Variants in PDE4B observed in about 807,000 individuals in gnomAD.
The protein encoded by PDE4B is phosphodiesterase 4B.
Under a neutral mutation model 82.2 loss-of-function variants are expected in PDE4B, and 20 were observed. The ratio of observed to expected loss-of-function variants is 0.24; its 90% CI spans 0.17 to 0.35. PDE4B has a LOEUF of 0.35. PDE4B is among the 10% of genes least tolerant of loss of function. The pLI is 1.00. For synonymous variants in PDE4B, 320 were observed against 318.9 expected, an observed-to-expected ratio of 1.00 and a Z score of -0.04; for missense variants, 655 against 907.2, an observed-to-expected ratio of 0.72 and a Z score of 3.57.
intron 3 of PDE4B, among the ~76,000 whole-genome samples, chr1:66,027,657 A>C (rs539337156): frequency 6.6e-6 from 1 of 152,216 alleles, no homozygotes. Context: ...TCCTAGATAC[A>C]ATGGAGGTAC....
Position 66,346,242 on chromosome 1 carries a change from T to C in PDE4B, c.748-9285T>C, listed in dbSNP as rs542330040. 2.0e-5 allele frequency among the ~76,000 whole-genome samples: 3 copies of C among 152,358 alleles called. No individual in the cohort carries two copies. The South Asian group carries it at 6.2e-4, about 32-fold the overall frequency. On this transcript the variant is annotated intron_variant, in intron 8 of 16. Coordinates refer to ENST00000341517, the MANE Select transcript of PDE4B (RefSeq NM_002600.4). ...GCCACATATTCAATTAATTCATATG[T>C]GTTACCACATTGATCTTAACTGTGA...
At chr1:66,179,946 A>G (rs1408732701) in intron 3 of PDE4B, among the ~76,000 whole-genome samples, 2 of 152,236 alleles carry the variant, frequency 1.3e-5, no homozygotes, top group East Asian at 1.9e-4. Context: ...GAGTCCCCCT[A>G]AAGATCCATC....
At chr1:65,907,748 A>G (rs1325765729) in intron 1 of PDE4B, among the ~76,000 whole-genome samples, 1 of 152,204 alleles carries the variant, frequency 6.6e-6, no homozygotes, top group Non-Finnish European at 1.5e-5. Flanking sequence ...CTCAGTTCAG[A>G]ACATTAAGAA....
intron 1 of PDE4B, among the ~76,000 whole-genome samples, chr1:65,912,656 G>T (rs1293011545): frequency 6.6e-6 from 1 of 152,200 alleles, no homozygotes; most frequent in Non-Finnish European, 1.5e-5. Context: ...ACTAGTTTAT[G>T]CAATAGACAT....
intron 3 of PDE4B, among the ~76,000 whole-genome samples, chr1:66,088,972 C>T (rs186962640): frequency 3.4e-4 from 52 of 152,150 alleles, no homozygotes; most frequent in Admixed American, 3.4e-3. Flanking sequence ...CAGAGTTCTC[C>T]ATATGACCCA....
chr1:66,183,868 T>C (rs565409725), intron 3 of PDE4B, among the ~76,000 whole-genome samples: 42 of 152,290 alleles, frequency 2.8e-4, no homozygotes, highest in African/African-American at 9.1e-4. Flanking sequence ...CAGAATAACA[T>C]AGGTGCATAA....
upstream of PDE4B, among the ~76,000 whole-genome samples, chr1:65,792,856 G>A (rs1482706998): frequency 6.6e-6 from 1 of 152,060 alleles, no homozygotes; most frequent in South Asian, 2.1e-4. Flanking sequence ...TCTTCCGGGG[G>A]GCGGGGGTGG....
At position 66,368,645 on chromosome 1, in the gene PDE4B, T is replaced by A. The variant is rs1485841537; in HGVS notation, c.1663-142T>A. 9.7e-6 allele frequency: 5 copies of A among 517,512 alleles called. No individual in the cohort carries two copies. The African/African-American group carries it at 9.8e-5, about 10-fold the overall frequency. The allele number at this position is 517,512 out of a possible 1,614,324, so 32.1% of individuals were successfully genotyped here. ...GGCTAGCATCATTGTAATTCCATTT[T>A]TTTTCGGTGCATATGTCATAATTAT... On this transcript the variant is annotated intron_variant, in intron 15 of 16. Transcript: ENST00000341517.
At chr1:65,945,113 G>T (rs1648642058) in intron 3 of PDE4B, among the ~76,000 whole-genome samples, 1 of 151,950 alleles carries the variant, frequency 6.6e-6, no homozygotes, top group African/African-American at 2.4e-5. Flanking sequence ...TCTCCTATTT[G>T]GACTGTAGAA....
rs1647151854 is a variant in PDE4B, at chr1:66,184,955, C to A, written c.282-62505C>A. 2.0e-5 allele frequency among the ~76,000 whole-genome samples: 3 copies of A among 152,116 alleles called. No homozygotes were observed. In the South Asian group the frequency reaches 6.2e-4, roughly 32 times the overall value. On this transcript the variant is annotated intron_variant, in intron 3 of 16. Transcript: ENST00000341517. ...CTGCACCCATTAACTCGTCATTTAA[C>A]ATTAGGTATATCTCCTAATGCTATC...
At chr1:65,802,297 T>C (rs921301653) in intron 1 of PDE4B, among the ~76,000 whole-genome samples, 3 of 152,166 alleles carry the variant, frequency 2.0e-5, no homozygotes, top group African/African-American at 7.2e-5. Context: ...GTTGAAAGTG[T>C]CACCAGTTTT....
intron 3 of PDE4B, among the ~76,000 whole-genome samples, chr1:66,246,485 G>T (rs984128872): frequency 2.0e-5 from 3 of 152,166 alleles, no homozygotes; most frequent in Non-Finnish European, 4.4e-5. Flanking sequence ...TTTAGCTGGG[G>T]AGCAGTGAGA....
chr1:66,201,430 C>T (rs1175505409), intron 3 of PDE4B, among the ~76,000 whole-genome samples: 4 of 152,026 alleles, frequency 2.6e-5, no homozygotes, highest in African/African-American at 9.7e-5. Flanking sequence ...GGTGCCAGTT[C>T]CTCCTTGTAC....
intron 3 of PDE4B, among the ~76,000 whole-genome samples, chr1:66,224,987 TC>T (rs1651318820): frequency 6.6e-6 from 1 of 152,224 alleles, no homozygotes; most frequent in African/African-American, 2.4e-5. Flanking sequence ...ACCAATGTGT[TC>T]TGCCTTTTCT....
intron 3 of PDE4B, among the ~76,000 whole-genome samples, chr1:66,111,339 G>C (rs928952891): frequency 6.6e-6 from 1 of 151,896 alleles, no homozygotes; most frequent in Non-Finnish European, 1.5e-5. Context: ...ACACTGTTGG[G>C]CACCCATCAT....
At chr1:66,171,835 A>G (rs1022257027) in intron 3 of PDE4B, among the ~76,000 whole-genome samples, 11 of 152,222 alleles carry the variant, frequency 7.2e-5, no homozygotes, top group African/African-American at 2.7e-4. Context: ...TGTATTGAGA[A>G]TGAAATATAA....
rs183031016 is a variant in PDE4B, at chr1:66,008,982, A to G, written c.281+90147A>G. ...CCGTATGCTGATGCTTCCCAAATTT[A>G]TATCTCTAGCCAGACTTTTCCTCTG... On this transcript the variant is annotated intron_variant, in intron 3 of 16. Transcript: ENST00000341517. Among the ~76,000 whole-genome samples the G allele has an allele frequency of 5.2e-3, 784 of 152,202 alleles. 29 individuals are homozygous for G. Among genetic ancestry groups the G allele is most frequent in the Admixed American group, 0.047 (719 of 15,272 alleles).
intron 3 of PDE4B, among the ~76,000 whole-genome samples, chr1:65,930,739 C>T (rs1322523111): frequency 6.6e-6 from 1 of 152,222 alleles, no homozygotes; most frequent in Non-Finnish European, 1.5e-5. Context: ...AGGTAACTAA[C>T]TTGTTTTTTA....
intron 3 of PDE4B, among the ~76,000 whole-genome samples, chr1:66,108,258 A>C (rs116365725): frequency 0.062 from 9,477 of 151,992 alleles, 429 homozygotes; most frequent in South Asian, 0.17. Context: ...CCATCATTAT[A>C]CTTTCTGCTT....
Sources: gnomAD v4.1 joint callset for allele counts (sites outside exome capture counted in the v4.1 genomes callset) on GRCh38, gnomAD v4.1.1 for gene constraint, MANE v1.5 for transcripts, NCBI Gene and HGNC (gene_info 2026-07-23, HGNC 2026-07-21) for gene names.